OFD1: variants seen among roughly 807,000 people sequenced by gnomAD.
OFD1 encodes OFD1 centriole and centriolar satellite protein, also known as centriole and centriolar satellite protein OFD1.
In OFD1, 12 loss-of-function variants were observed where a neutral mutation model predicts 81.4. The ratio of observed to expected loss-of-function variants is 0.15; its 90% CI spans 0.09 to 0.24. OFD1 has a LOEUF of 0.24. Ranked by LOEUF, OFD1 falls within the 10% of genes least tolerant of loss-of-function variation. The probability of loss-of-function intolerance (pLI) is 1.00; values close to 1 mark genes in which losing one functional copy is unlikely to be tolerated. For synonymous variants in OFD1, 256 were observed against 263.7 expected (o/e 0.97, Z 0.28); for missense variants, 685 against 733.9 (o/e 0.93, Z 0.77).
chrX:13,733,935 A>G (rs929886072), upstream of OFD1: 3 of 497,788 alleles, frequency 6.0e-6, no homozygotes, highest in Middle Eastern at 3.2e-4. Context: ...TCTACAATGT[A>G]TCTTAGTTCT....
chrX:13,772,877 A>G, downstream of OFD1: 1 of 1,209,465 alleles, frequency 8.3e-7, no homozygotes, highest in Non-Finnish European at 1.1e-6. Flanking sequence ...ACTCTGGCAA[A>G]CATTTATGTG....
At chrX:13,758,582 A>T in intron 15 of OFD1, 134 bp downstream of exon 15, 2 of 459,582 alleles carry the variant, frequency 4.4e-6, no homozygotes. Flanking sequence ...GTGTCATCTT[A>T]GAAGTAAAAC....
At chrX:13,762,586 T>C (rs2047977409) in intron 18 of OFD1, 142 bp downstream of exon 18, 1 of 431,910 alleles carries the variant, frequency 2.3e-6, no homozygotes. Flanking sequence ...CAAGTACAGA[T>C]GTATCACCTC....
chrX:13,745,896 A>G (rs2047276431), intron 6 of OFD1, among the ~76,000 whole-genome samples: 1 of 112,216 alleles, frequency 8.9e-6, no homozygotes, highest in South Asian at 3.6e-4. Flanking sequence ...ATTCTTTTAA[A>G]GTTATTGTTT....
At chrX:13,726,334 A>G in the OFD1 span, among the ~76,000 whole-genome samples, 2 of 111,840 alleles carry the variant, frequency 1.8e-5, no homozygotes, top group Admixed American at 1.9e-4. Context: ...GAAATGAAGG[A>G]AAAAAATGTT....
At position 13,760,013 on chromosome X, in the gene OFD1, C is replaced by T. The variant is rs2047865602; in HGVS notation, c.1655-102C>T. ...AGAAACTGTATAGTGCAAGTTTGTC[C>T]TTATTACTCTCTTCCATTTTTCAAA... On this transcript the variant is annotated intron_variant, in intron 15 of 22. Coordinates refer to ENST00000340096, the MANE Select transcript of OFD1 (RefSeq NM_003611.3). 2.7e-5 allele frequency: 28 copies of T among 1,053,106 alleles called. No homozygotes were observed. The South Asian group carries it at 5.1e-4, about 19-fold the overall frequency. The allele number at this position is 1,053,106 out of a possible 1,213,427, so 86.8% of individuals were successfully genotyped here.
Position 13,753,316 on chromosome X carries a change from T to C in OFD1, c.1056-52T>C, listed in dbSNP as rs1290137685. The stretch of plus-strand genomic sequence containing the variant: ...AGATAAGCTCCTGCACTGATAACAG[T>C]CTTTCCAGAAAAATGCCTGAGGAGC... On this transcript the variant is annotated intron_variant, in intron 10 of 22. Transcript: ENST00000340096. 4 of 1,206,687 alleles carry C rather than the reference T, an allele frequency of 3.3e-6. No homozygotes were observed. In the African/African-American group the frequency reaches 7.0e-5, roughly 21 times the overall value.
At chrX:13,767,355 G>A in intron 20 of OFD1, 71 bp downstream of exon 20, 1 of 1,079,359 alleles carries the variant, frequency 9.3e-7, no homozygotes, top group Non-Finnish European at 1.3e-6. Flanking sequence ...ATTGAGCTCA[G>A]GGAGGGGAGT....
the OFD1 span, among the ~76,000 whole-genome samples, chrX:13,724,451 A>G: frequency 9.1e-6 from 1 of 110,143 alleles, no homozygotes; most frequent in East Asian, 2.8e-4. Flanking sequence ...AGGAAAAAGC[A>G]AGGGAGAAGG....
At chrX:13,735,490 T>A in intron 2 of OFD1, 144 bp downstream of exon 2, 1 of 520,881 alleles carries the variant, frequency 1.9e-6, no homozygotes, top group South Asian at 2.6e-5. Context: ...CCCGAATAAC[T>A]CTGTATCCTG....
intron 8 of OFD1, among the ~76,000 whole-genome samples, chrX:13,748,700 A>G (rs1433600866): frequency 8.9e-6 from 1 of 111,932 alleles, no homozygotes; most frequent in African/African-American, 3.2e-5. Context: ...CTGAGTCAGA[A>G]TGACCCGTGA....
At chrX:13,768,308 C>CT in intron 21 of OFD1, 84 bp downstream of exon 21, 3 of 738,105 alleles carry the variant, frequency 4.1e-6, no homozygotes, top group Non-Finnish European at 6.4e-6. Context: ...GGGAATCCGT[C>CT]TTCTCCATTG....
chrX:13,771,208 A>G (rs1279234797), downstream of OFD1: 1 of 112,037 alleles, frequency 8.9e-6, no homozygotes, highest in Non-Finnish European at 1.9e-5. Flanking sequence ...ATTCCTGGTA[A>G]TAGCTACCAG....
chrX:13,728,031 T>A, the OFD1 span, among the ~76,000 whole-genome samples: 1 of 111,535 alleles, frequency 9.0e-6, no homozygotes, highest in South Asian at 3.7e-4. Flanking sequence ...ACACATACAC[T>A]CTCCCAAGGC....
chrX:13,731,027 T>C (rs1480677647), upstream of OFD1, among the ~76,000 whole-genome samples: 1 of 111,407 alleles, frequency 9.0e-6, no homozygotes, highest in Non-Finnish European at 1.9e-5. Context: ...GTATCAAACC[T>C]GCATGTTGTG....
chrX:13,716,913 T>C, the OFD1 span, among the ~76,000 whole-genome samples: 4 of 109,988 alleles, frequency 3.6e-5, no homozygotes, highest in African/African-American at 9.9e-5. Context: ...AATGTGTATA[T>C]AGAGGATTTA....
intron 10 of OFD1, chrX:13,752,614 G>C: frequency 1.2e-6 from 1 of 840,208 alleles, no homozygotes; most frequent in Non-Finnish European, 1.6e-6. Context: ...GTCTGTAGTT[G>C]CTGAATTTTT....
chrX:13,773,176 A>C, downstream of OFD1: 4 of 433,184 alleles, frequency 9.2e-6, no homozygotes, highest in Non-Finnish European at 1.5e-5. Context: ...GAGCTGTCAG[A>C]TCCTGAAAGC....
At chrX:13,769,828 GGCCTTCACCAGACATCGAACCTGCCAGT>G (rs2147092769), downstream of OFD1, among the ~76,000 whole-genome samples, 1 of 111,433 alleles carries the variant, frequency 9.0e-6, no homozygotes, top group East Asian at 2.8e-4. Context: ...GCCGAGACCG[GGCCTTCACCAGACATCGAACCTGCCAGT>G]GCCTTCCTTG....
Sources: allele counts gnomAD v4.1 joint callset (sites outside exome capture counted in the v4.1 genomes callset), GRCh38; gene constraint gnomAD v4.1.1; transcripts MANE v1.5; gene names NCBI Gene and HGNC (gene_info 2026-07-23, HGNC 2026-07-21).